The following MLIP variants were observed in gnomAD, a reference collection of about 807,000 sequenced individuals.
The protein encoded by MLIP is muscular LMNA interacting protein, also known as muscular LMNA-interacting protein.
A neutral mutation model predicts 84.8 loss-of-function variants in MLIP; 79 were observed. The observed-to-expected ratio is 0.93, with a 90% CI of 0.78 to 1.12. The LOEUF is 1.12. Among genes scored for constraint, MLIP ranks in the 50% most tolerant of loss-of-function variants. MLIP has a pLI of 0.00. For missense variants in MLIP, 1,257 were observed against 1,160.6 expected (o/e 1.08, Z -1.21); for synonymous variants, 504 against 463.0 (o/e 1.09, Z -1.14).
intron 11 of MLIP, chr6:54,215,446 AT>A: frequency 8.5e-7 from 1 of 1,173,962 alleles, no homozygotes; most frequent in Non-Finnish European, 1.1e-6. Flanking sequence ...ATTTCTTTAA[AT>A]TTTTTCCAAG....
chr6:54,059,631 A>G (rs553742983), intron 1 of MLIP, among the ~76,000 whole-genome samples: 2 of 152,310 alleles, frequency 1.3e-5, no homozygotes, highest in African/African-American at 4.8e-5. Flanking sequence ...TCACACAATT[A>G]ATGAGTGAAC....
chr6:54,080,629 T>C (rs946370810), intron 1 of MLIP, among the ~76,000 whole-genome samples: 2 of 150,212 alleles, frequency 1.3e-5, no homozygotes, highest in Admixed American at 1.3e-4. Context: ...ACATTTTTTG[T>C]CTGAGAAAAC....
intron 9 of MLIP, among the ~76,000 whole-genome samples, chr6:54,178,010 C>T (rs779960771): frequency 1.3e-5 from 2 of 151,908 alleles, no homozygotes; most frequent in Non-Finnish European, 2.9e-5. Context: ...CACATAGACA[C>T]GGGCAGGGTG....
intron 4 of MLIP, among the ~76,000 whole-genome samples, chr6:54,145,108 C>T (rs556204013): frequency 1.4e-4 from 21 of 152,098 alleles, no homozygotes; most frequent in Non-Finnish European, 2.6e-4. Flanking sequence ...TTGGAGAGAA[C>T]CAATAGGTAT....
Position 54,169,537 on chromosome 6 carries a change from A to G in MLIP, c.2509A>G (p.Thr837Ala), listed in dbSNP as rs112262052. The change falls in exon 9 of 14, where the codon ACT becomes GCT. Residue 837 changes from threonine (T) to alanine (A), a missense_variant. Coordinates refer to ENST00000502396, the MANE Select transcript of MLIP (RefSeq NM_001281747.2). ...TTTTATTTTCATACAGACTCCTACA[A>G]CTCTTCCAAGAGCAGCTGGTCGAGA... is the stretch of plus-strand genomic sequence containing the variant. ...LGSDTVKTPT[T>A]LPRAAGRETK... 1.9e-6 allele frequency: 3 copies of G among 1,591,440 alleles called. No individual in the cohort carries two copies. The highest frequency in any genetic ancestry group is 1.8e-4 in the Middle Eastern group (1 of 5,710).
chr6:54,167,644 A>G (rs1345400614), intron 8 of MLIP, among the ~76,000 whole-genome samples: 2 of 151,822 alleles, frequency 1.3e-5, no homozygotes, highest in Non-Finnish European at 2.9e-5. Flanking sequence ...TAGATATCCT[A>G]TTTGAAAATT....
chr6:54,237,017 A>G (rs1028859872), intron 12 of MLIP, among the ~76,000 whole-genome samples: 1 of 152,004 alleles, frequency 6.6e-6, no homozygotes, highest in Non-Finnish European at 1.5e-5. Context: ...GGCTTTAAGG[A>G]CATAACTGCT....
chr6:54,029,018 C>T (rs1763976924), intron 1 of MLIP: 1 of 152,106 alleles, frequency 6.6e-6, no homozygotes, highest in Admixed American at 6.5e-5. Flanking sequence ...TATGGTTTAA[C>T]ATTCCTTTAC....
chr6:54,074,033 T>C, intron 1 of MLIP, among the ~76,000 whole-genome samples: 1 of 152,258 alleles, frequency 6.6e-6, no homozygotes, highest in Non-Finnish European at 1.5e-5. Flanking sequence ...TTTTTTGAGA[T>C]TGATTTATCT....
Position 54,121,599 on chromosome 6 carries a change from T to C in MLIP, c.249T>C (p.Asn83=). ...GTGATAAGAGTCCAGAAACTGTAAA[T>C]AGGGTAGGATTATTTTTATTCTTTT... ...ESSDKSPETV[N]RSKSNDYLTL... The change falls in exon 2 of 14, where the codon AAT becomes AAC. Residue 83 remains asparagine, a synonymous_variant. Coordinates refer to ENST00000502396, the MANE Select transcript of MLIP (RefSeq NM_001281747.2). 1 of 1,576,262 alleles carries C rather than the reference T, an allele frequency of 6.3e-7. No individual in the cohort carries two copies. Among genetic ancestry groups the C allele is most frequent in the South Asian group, 1.2e-5 (1 of 84,374 alleles).
At chr6:54,265,854 G>A in intron 13 of MLIP, 96 bp from the exon 14 acceptor site, 2 of 1,140,078 alleles carry the variant, frequency 1.8e-6, no homozygotes, top group East Asian at 2.5e-5. Context: ...TTTTTTTGTA[G>A]GAGATGCTAT....
chr6:54,155,899 C>T (rs1183610824), intron 5 of MLIP, among the ~76,000 whole-genome samples: 1 of 152,002 alleles, frequency 6.6e-6, no homozygotes, highest in African/African-American at 2.4e-5. Context: ...GTTAAGAATT[C>T]TTTAAGATGA....
chr6:54,097,816 A>G (rs908055708), intron 1 of MLIP, among the ~76,000 whole-genome samples: 4 of 152,210 alleles, frequency 2.6e-5, no homozygotes, highest in African/African-American at 9.6e-5. Context: ...TATATAAGGA[A>G]GTGGAGATTT....
At chr6:54,100,930 A>G (rs1162323184) in intron 1 of MLIP, among the ~76,000 whole-genome samples, 3 of 152,158 alleles carry the variant, frequency 2.0e-5, no homozygotes, top group Admixed American at 6.6e-5. Flanking sequence ...AAATCAAGAG[A>G]AAAGACCATC....
intron 8 of MLIP, among the ~76,000 whole-genome samples, chr6:54,162,876 C>T (rs1039001071): frequency 6.6e-6 from 1 of 151,852 alleles, no homozygotes; most frequent in African/African-American, 2.4e-5. Context: ...AACATAACAT[C>T]ACAGGTCTGA....
At chr6:54,253,252 G>T (rs1369304886) in intron 12 of MLIP, among the ~76,000 whole-genome samples, 1 of 152,104 alleles carries the variant, frequency 6.6e-6, no homozygotes, top group East Asian at 1.9e-4. Context: ...TCTTGAGAAG[G>T]TTATGCTCTG....
In MLIP at chr6:54,236,593, A is replaced by G. The variant is rs577807581; in HGVS notation, c.2922+5676A>G. ...CTCCAGCCTGGGCAATAAGAGCGAA[A>G]CTCAGTCTAAAAGAAAAAAAAAAAT... On this transcript the variant is annotated intron_variant, in intron 12 of 13. Coordinates refer to ENST00000502396, the MANE Select transcript of MLIP (RefSeq NM_001281747.2). Among the ~76,000 whole-genome samples, 4 of 108,714 alleles carry G rather than the reference A, an allele frequency of 3.7e-5. No individual in the cohort carries two copies. The East Asian group carries it at 8.0e-4, about 22-fold the overall frequency. The allele number at this position is 108,714 out of a possible 152,430, so 71.3% of individuals were successfully genotyped here. A position where few individuals can be genotyped will look rare whatever the true frequency, so the allele number is the denominator to read the frequency against.
intron 1 of MLIP, among the ~76,000 whole-genome samples, chr6:54,097,909 C>G (rs1432637717): frequency 1.3e-5 from 2 of 152,196 alleles, no homozygotes; most frequent in Middle Eastern, 6.8e-3. Flanking sequence ...TCAAATTCCC[C>G]AATCCGATGA....
intron 12 of MLIP, among the ~76,000 whole-genome samples, chr6:54,257,089 A>G (rs1783056727): frequency 6.6e-6 from 1 of 152,150 alleles, no homozygotes. Context: ...ATAAAAATAA[A>G]TAAGATGTGG....
Sources: allele counts gnomAD v4.1 joint callset (sites outside exome capture counted in the v4.1 genomes callset), GRCh38; gene constraint gnomAD v4.1.1; transcripts MANE v1.5; gene names NCBI Gene and HGNC (gene_info 2026-07-23, HGNC 2026-07-21).